The following KALRN variants were observed in gnomAD, a reference collection of about 807,000 sequenced individuals.
The protein encoded by KALRN is kalirin RhoGEF kinase.
In KALRN, 70 loss-of-function variants were observed where a neutral mutation model predicts 353.7. The ratio of observed to expected loss-of-function variants is 0.20; its 90% CI spans 0.16 to 0.24. The LOEUF is 0.24. KALRN is among the 10% of genes least tolerant of loss of function. KALRN has a pLI of 1.00. For synonymous variants in KALRN, 1,391 were observed against 1,434.8 expected, an observed-to-expected ratio of 0.97 and a Z score of 0.69; for missense variants, 2,791 against 3,756.7, an observed-to-expected ratio of 0.74 and a Z score of 6.72.
chr3:124,114,007 G>T (rs1008527631), intron 1 of KALRN, among the ~76,000 whole-genome samples: 1 of 152,142 alleles, frequency 6.6e-6, no homozygotes, highest in Non-Finnish European at 1.5e-5. Context: ...GTGCTGGAAG[G>T]GTAGAGAGTA....
At chr3:124,119,565 C>T (rs2063771897) in intron 1 of KALRN, among the ~76,000 whole-genome samples, 1 of 152,208 alleles carries the variant, frequency 6.6e-6, no homozygotes, top group Non-Finnish European at 1.5e-5. Context: ...GCAGCTTCCT[C>T]AGGATCTGTC....
chr3:124,700,062 A>G, intron 56 of KALRN, 29 bp downstream of exon 56: 1 of 1,610,634 alleles, frequency 6.2e-7, no homozygotes, highest in Non-Finnish European at 8.5e-7. Context: ...CTGGCCCCCC[A>G]GGCAGTGGGA....
At chr3:124,548,623 G>T (rs1334593268) in intron 33 of KALRN, among the ~76,000 whole-genome samples, 1 of 152,172 alleles carries the variant, frequency 6.6e-6, no homozygotes, top group African/African-American at 2.4e-5. Flanking sequence ...CCATTAAGTA[G>T]GTATCAAGTG....
At chr3:124,512,249 C>G (rs2065990381) in intron 33 of KALRN, among the ~76,000 whole-genome samples, 1 of 152,234 alleles carries the variant, frequency 6.6e-6, no homozygotes, top group Non-Finnish European at 1.5e-5. Context: ...TCCACAAGCT[C>G]ATGACTGTCG....
chr3:124,250,530 C>A (rs1215681031), intron 3 of KALRN, among the ~76,000 whole-genome samples: 1 of 152,184 alleles, frequency 6.6e-6, no homozygotes, highest in Non-Finnish European at 1.5e-5. Context: ...TAGAAAGGCT[C>A]CTTGTGTCTT....
At chr3:124,078,471 C>T (rs1435528861) in intron 1 of KALRN, among the ~76,000 whole-genome samples, 1 of 151,958 alleles carries the variant, frequency 6.6e-6, no homozygotes, top group Non-Finnish European at 1.5e-5. Flanking sequence ...TAGGCCCTGT[C>T]GTGTAATGGG....
At position 124,268,754 on chromosome 3, in the gene KALRN, A is replaced by G. The variant is rs1002756579; in HGVS notation, c.468A>G (p.Val156=). 5.6e-6 allele frequency: 9 copies of G among 1,614,084 alleles called. No homozygotes were observed. Among genetic ancestry groups the G allele is most frequent in the Admixed American group, 1.7e-5 (1 of 60,020 alleles). ...TCTGCCCCTTCCAGACGAGCATGGT[A>G]TCTGTGGAGGGCCTCACAAAGCTGG... ...SSKFIFETSM[V]SVEGLTKLVD... The change falls in exon 5 of 60, where the codon GTA becomes GTG. Residue 156 remains valine, a synonymous_variant. Transcript: ENST00000682506.
In KALRN at chr3:124,713,500, G is replaced by A. The variant is rs981686051; in HGVS notation, c.8276+365G>A. On this transcript the variant is annotated intron_variant, in intron 58 of 59. Coordinates refer to ENST00000682506, the MANE Select transcript of KALRN (RefSeq NM_001388419.1). ...GTAGGCTGATTGACAGGGTGGAGTT[G>A]AAAGACAGGGCTCTGTGTGTCAATT... Among the ~76,000 whole-genome samples the A allele has an allele frequency of 3.9e-5, 6 of 152,114 alleles. No homozygotes were observed. In the East Asian group the frequency reaches 1.2e-3, roughly 29 times the overall value.
intron 13 of KALRN, among the ~76,000 whole-genome samples, chr3:124,402,310 G>T (rs925528632): frequency 2.6e-5 from 4 of 152,138 alleles, no homozygotes; most frequent in African/African-American, 9.7e-5. Context: ...TCAAAACCAG[G>T]CCCATAGCTG....
chr3:124,683,668 C>T (rs1021918991), intron 51 of KALRN, among the ~76,000 whole-genome samples: 46 of 152,210 alleles, frequency 3.0e-4, no homozygotes, highest in African/African-American at 9.6e-4. Flanking sequence ...AAGACCCTGC[C>T]TCTGCCCCAG....
chr3:124,227,680 T>TG (rs2078702053), intron 1 of KALRN, among the ~76,000 whole-genome samples: 1 of 46,914 alleles, frequency 2.1e-5, no homozygotes, highest in African/African-American at 5.7e-5. Flanking sequence ...TTTTTTTTTT[T>TG]TTTTTTTTTT....
At chr3:124,155,004 G>A (rs1425422411) in intron 1 of KALRN, among the ~76,000 whole-genome samples, 1 of 152,176 alleles carries the variant, frequency 6.6e-6, no homozygotes, top group Non-Finnish European at 1.5e-5. Flanking sequence ...AACAAGCAAT[G>A]GGGAAAGGAT....
chr3:124,410,130 T>C (rs79356917), intron 13 of KALRN: 6,132 of 484,738 alleles, frequency 0.013, 92 homozygotes, highest in East Asian at 0.078. Context: ...AGCTTAGATT[T>C]GAATTCCCAA....
chr3:124,242,265 T>C (rs2080553231), intron 3 of KALRN, among the ~76,000 whole-genome samples: 2 of 152,222 alleles, frequency 1.3e-5, no homozygotes, highest in South Asian at 4.1e-4. Flanking sequence ...TAGGCACTGT[T>C]ATAAGTATTT....
intron 1 of KALRN, among the ~76,000 whole-genome samples, chr3:124,215,336 G>A (rs574496261): frequency 1.2e-4 from 19 of 152,352 alleles, no homozygotes; most frequent in African/African-American, 3.6e-4. Context: ...ACAGATGGGT[G>A]TGAGCAGTGT....
intron 47 of KALRN, among the ~76,000 whole-genome samples, chr3:124,669,673 G>A (rs2086134773): frequency 6.6e-6 from 1 of 152,174 alleles, no homozygotes; most frequent in East Asian, 1.9e-4. Context: ...AATGAATCAT[G>A]GAGATACAGT....
chr3:124,500,033 A>G (rs2064329577), intron 33 of KALRN, among the ~76,000 whole-genome samples: 1 of 152,222 alleles, frequency 6.6e-6, no homozygotes. Flanking sequence ...GGTACATAAT[A>G]CTGCAGAAGT....
chr3:124,124,251 T>G (rs114822293), intron 1 of KALRN, among the ~76,000 whole-genome samples: 1 of 152,292 alleles, frequency 6.6e-6, no homozygotes, highest in African/African-American at 2.4e-5. Context: ...TGGATGACTT[T>G]AAAGGGTTCA....
At chr3:124,269,634 G>A (rs1037709421) in intron 5 of KALRN, among the ~76,000 whole-genome samples, 7 of 152,224 alleles carry the variant, frequency 4.6e-5, no homozygotes, top group African/African-American at 1.7e-4. Flanking sequence ...CCTGCAATGA[G>A]TGGCTCAAGC....
Sources: gnomAD v4.1 joint callset for allele counts (sites outside exome capture counted in the v4.1 genomes callset) on GRCh38, gnomAD v4.1.1 for gene constraint, MANE v1.5 for transcripts, NCBI Gene and HGNC (gene_info 2026-07-23, HGNC 2026-07-21) for gene names.